ESRRB: variants seen among roughly 807,000 people sequenced by gnomAD.
ESRRB encodes the protein steroid hormone receptor ERR2.
A neutral mutation model predicts 46.0 loss-of-function variants in ESRRB; 16 were observed. The observed-to-expected ratio is 0.35, with a 90% CI of 0.24 to 0.53. The LOEUF (loss-of-function observed/expected upper bound fraction) is 0.53. Among genes scored for constraint, ESRRB ranks in the 20% least tolerant of loss-of-function variants. The probability of loss-of-function intolerance (pLI) is 0.93; values close to 1 mark genes in which losing one functional copy is unlikely to be tolerated. For missense variants in ESRRB, 488 were observed against 607.4 expected, an observed-to-expected ratio of 0.80 and a Z score of 2.07; for synonymous variants, 246 against 259.6, an observed-to-expected ratio of 0.95 and a Z score of 0.50.
intron 6 of ESRRB, among the ~76,000 whole-genome samples, 180 bp downstream of exon 6, chr14:76,491,896 T>G (rs1230078341): frequency 6.6e-6 from 1 of 152,356 alleles, no homozygotes; most frequent in Non-Finnish European, 1.5e-5. Context: ...AAGCTGGTGA[T>G]GAAGGCTGAC....
intron 1 of ESRRB, among the ~76,000 whole-genome samples, chr14:76,430,853 G>C (rs554458234): frequency 6.6e-6 from 1 of 152,364 alleles, no homozygotes; most frequent in East Asian, 1.9e-4. Flanking sequence ...CCTTCAGCCT[G>C]ACCCAGATTC....
At chr14:76,337,243 C>T (rs1476547177) in intron 1 of ESRRB, among the ~76,000 whole-genome samples, 8 of 152,170 alleles carry the variant, frequency 5.3e-5, no homozygotes, top group Admixed American at 1.3e-4. Flanking sequence ...GTGGCCGAGA[C>T]TCTCCTGGGG....
intron 1 of ESRRB, among the ~76,000 whole-genome samples, chr14:76,358,716 C>T (rs1251113605): frequency 1.3e-5 from 2 of 152,202 alleles, no homozygotes; most frequent in African/African-American, 2.4e-5. Flanking sequence ...TAATAGATTT[C>T]CCTTCTAAAA....
At chr14:76,333,707 T>C (rs577015605) in intron 1 of ESRRB, among the ~76,000 whole-genome samples, 2 of 151,836 alleles carry the variant, frequency 1.3e-5, no homozygotes, top group Non-Finnish European at 2.9e-5. Context: ...CAAAATATTA[T>C]CATTTCGACA....
chr14:76,346,785 G>A (rs1457397038), intron 1 of ESRRB, among the ~76,000 whole-genome samples: 1 of 152,226 alleles, frequency 6.6e-6, no homozygotes, highest in Non-Finnish European at 1.5e-5. Context: ...GGTCTGAGAG[G>A]TGTGCCCAGG....
chr14:76,321,814 G>A (rs899610916), intron 1 of ESRRB, among the ~76,000 whole-genome samples: 12 of 151,876 alleles, frequency 7.9e-5, no homozygotes, highest in Admixed American at 4.6e-4. Context: ...GTGAACCTGG[G>A]AGGCGGAGCT....
intron 1 of ESRRB, among the ~76,000 whole-genome samples, chr14:76,391,707 G>A (rs1316420445): frequency 1.3e-5 from 2 of 152,246 alleles, no homozygotes; most frequent in African/African-American, 4.8e-5. Flanking sequence ...CAGTAAATGT[G>A]AGGTAGAAGT....
intron 2 of ESRRB, among the ~76,000 whole-genome samples, chr14:76,452,398 G>A (rs946855939): frequency 6.6e-5 from 10 of 151,892 alleles, no homozygotes; most frequent in Admixed American, 1.3e-4. Flanking sequence ...AGGCAGAGGC[G>A]GGTAGATTAC....
chr14:76,452,682 G>A (rs1012280852), intron 2 of ESRRB, among the ~76,000 whole-genome samples: 1 of 151,714 alleles, frequency 6.6e-6, no homozygotes, highest in Non-Finnish European at 1.5e-5. Context: ...ATTATTAAAA[G>A]GATAGTGACT....
At chr14:76,371,136 A>G (rs1424142224), upstream of ESRRB, among the ~76,000 whole-genome samples, 1 of 152,222 alleles carries the variant, frequency 6.6e-6, no homozygotes, top group Non-Finnish European at 1.5e-5. Flanking sequence ...GTAATGGCCC[A>G]TTACGGCTTC....
At chr14:76,341,897 G>A (rs1884195647) in intron 1 of ESRRB, among the ~76,000 whole-genome samples, 1 of 152,236 alleles carries the variant, frequency 6.6e-6, no homozygotes, top group African/African-American at 2.4e-5. Flanking sequence ...TCTCCAGGCT[G>A]GCAGCGTAAA....
At chr14:76,383,613 C>T (rs924046239) in intron 1 of ESRRB, among the ~76,000 whole-genome samples, 7 of 152,062 alleles carry the variant, frequency 4.6e-5, no homozygotes, top group African/African-American at 1.7e-4. Context: ...TGTAGTTTGC[C>T]CTTGTCCTTT....
At chr14:76,490,199 A>T (rs1890170199) in intron 5 of ESRRB, among the ~76,000 whole-genome samples, 1 of 152,200 alleles carries the variant, frequency 6.6e-6, no homozygotes, top group Non-Finnish European at 1.5e-5. Context: ...TAAATCCAGC[A>T]TGTCCGTGTT....
At chr14:76,453,277 A>T (rs118052959) in intron 2 of ESRRB, among the ~76,000 whole-genome samples, 1,546 of 152,354 alleles carry the variant, frequency 0.01, 15 homozygotes, top group Non-Finnish European at 0.015. Flanking sequence ...TCCAAGTAAC[A>T]TCTCTGAATT....
intron 2 of ESRRB, among the ~76,000 whole-genome samples, chr14:76,440,262 T>C (rs1056483229): frequency 1.3e-5 from 2 of 151,044 alleles, no homozygotes; most frequent in Admixed American, 6.6e-5. Context: ...AAGCCAGGAG[T>C]TGAGACCAGC....
intron 6 of ESRRB, chr14:76,495,286 G>A (rs1890381649): frequency 6.6e-6 from 1 of 152,120 alleles, no homozygotes; most frequent in Admixed American, 6.5e-5. Flanking sequence ...ATGGTATGAG[G>A]TTTCAGGTCT....
chr14:76,474,144 C>G (rs1349336389), intron 3 of ESRRB, among the ~76,000 whole-genome samples: 2 of 152,244 alleles, frequency 1.3e-5, no homozygotes, highest in African/African-American at 4.8e-5. Flanking sequence ...CTCTCTGAAC[C>G]TTAATTTCTT....
intron 1 of ESRRB, among the ~76,000 whole-genome samples, chr14:76,404,994 C>T (rs1272689942): frequency 6.6e-6 from 1 of 152,174 alleles, no homozygotes; most frequent in Admixed American, 6.6e-5. Context: ...AAAGCAATTT[C>T]CTGAGTTTTT....
chr14:76,380,990 A>G (rs1168412264), intron 1 of ESRRB, among the ~76,000 whole-genome samples: 2 of 152,128 alleles, frequency 1.3e-5, no homozygotes, highest in South Asian at 2.1e-4. Flanking sequence ...GCATGTATGC[A>G]CTGGTGACCC....
Sources: gnomAD v4.1 joint callset for allele counts (sites outside exome capture counted in the v4.1 genomes callset) on GRCh38, gnomAD v4.1.1 for gene constraint, MANE v1.5 for transcripts, NCBI Gene and HGNC (gene_info 2026-07-23, HGNC 2026-07-21) for gene names.